SCLT1: variants seen among roughly 807,000 people sequenced by gnomAD.
SCLT1 encodes sodium channel-associated protein 1.
SCLT1 carries 78 observed loss-of-function variants against 112.8 expected under a neutral mutation model. The observed-to-expected ratio is 0.69, with a 90% CI of 0.58 to 0.83. The LOEUF (loss-of-function observed/expected upper bound fraction) is 0.83. Ranked by LOEUF, SCLT1 falls within the 40% of genes least tolerant of loss-of-function variation. The pLI is 0.00. For synonymous variants in SCLT1, 257 were observed against 254.7 expected, an observed-to-expected ratio of 1.01 and a Z score of -0.09; for missense variants, 747 against 770.4, an observed-to-expected ratio of 0.97 and a Z score of 0.36.
intron 10 of SCLT1, 122 bp from the exon 11 acceptor site, chr4:128,965,440 C>A: frequency 4.6e-6 from 3 of 655,374 alleles, no homozygotes; most frequent in Admixed American, 6.2e-5. Flanking sequence ...CTAACACTTA[C>A]GTTAAAAGAA....
chr4:128,886,535 T>C (rs879053190), intron 20 of SCLT1, among the ~76,000 whole-genome samples: 1 of 152,192 alleles, frequency 6.6e-6, no homozygotes, highest in South Asian at 2.1e-4. Flanking sequence ...CTTGGACTCA[T>C]TTAAAACAGA....
At chr4:129,003,097 T>G (rs765350379) in intron 6 of SCLT1, among the ~76,000 whole-genome samples, 94 of 152,242 alleles carry the variant, frequency 6.2e-4, no homozygotes, top group Admixed American at 1.2e-3. Context: ...TGGAATACTA[T>G]GCAGCCATAA....
intron 15 of SCLT1, among the ~76,000 whole-genome samples, 161 bp downstream of exon 15, chr4:128,948,335 C>CAAA (rs11312069): frequency 7.7e-4 from 37 of 47,960 alleles, no homozygotes; most frequent in African/African-American, 2.3e-3. Context: ...GACTCCATTG[C>CAAA]AAAAAAAAAA....
intron 9 of SCLT1, among the ~76,000 whole-genome samples, chr4:128,977,537 A>T (rs1341315570): frequency 6.6e-6 from 1 of 152,318 alleles, no homozygotes; most frequent in East Asian, 1.9e-4. Context: ...GTTACAAAGA[A>T]GATGATACAG....
intron 15 of SCLT1, among the ~76,000 whole-genome samples, chr4:128,947,565 T>G (rs1738283625): frequency 6.6e-6 from 1 of 152,216 alleles, no homozygotes; most frequent in Admixed American, 6.5e-5. Context: ...TTTACCACTT[T>G]TTAACATTGG....
chr4:128,927,479 G>T (rs1736388926), intron 18 of SCLT1, among the ~76,000 whole-genome samples: 2 of 151,890 alleles, frequency 1.3e-5, no homozygotes, highest in South Asian at 4.2e-4. Context: ...GGAGGTTGAG[G>T]CAGGAAAACT....
chr4:128,904,669 A>G (rs1158891951), intron 18 of SCLT1, among the ~76,000 whole-genome samples: 5 of 152,178 alleles, frequency 3.3e-5, no homozygotes, highest in Non-Finnish European at 7.4e-5. Flanking sequence ...ATTACGAGAG[A>G]TGTTAGTAAA....
chr4:129,028,372 G>A (rs868494794), intron 5 of SCLT1, among the ~76,000 whole-genome samples: 42 of 152,030 alleles, frequency 2.8e-4, no homozygotes, highest in African/African-American at 5.5e-4. Context: ...AAATAACACC[G>A]CATATCTACA....
rs1738129470 is a variant in SCLT1, at chr4:128,946,029, T to C, written c.1417A>G (p.Arg473Gly). 2 of 1,609,002 alleles carry C rather than the reference T, an allele frequency of 1.2e-6. No homozygotes were observed. Among genetic ancestry groups the C allele is most frequent in the South Asian group, 2.2e-5 (2 of 90,394 alleles). Reference sequence around the variant, plus strand: ...TACTCAGTTTCAAGTTGTTTTATTCTATTTTCTGCTCTCGTAAGTCTTAGC... The same window carrying C: ...TACTCAGTTTCAAGTTGTTTTATTCCATTTTCTGCTCTCGTAAGTCTTAGC... ...LQLRLTRAENRIKQLETDSSE... is the reference protein window; with the variant it reads ...LQLRLTRAENGIKQLETDSSE... The change falls in exon 16 of 21, where the codon AGA (arginine) becomes GGA (glycine). Residue 473 changes from arginine (R) to glycine (G), a missense_variant. Around this residue, in one of 2 missense-constraint regions of SCLT1, gnomAD observed 723 missense variants for 721.3 expected, o/e 1.00. Coordinates refer to ENST00000281142, the MANE Select transcript of SCLT1 (RefSeq NM_144643.4).
intron 2 of SCLT1, among the ~76,000 whole-genome samples, chr4:129,054,119 C>T (rs1345048643): frequency 6.6e-6 from 1 of 152,204 alleles, no homozygotes. Flanking sequence ...AAGAGATTCG[C>T]TGTTAGTCTA....
At chr4:128,883,791 T>C (rs542887284), downstream of SCLT1, among the ~76,000 whole-genome samples, 3 of 152,326 alleles carry the variant, frequency 2.0e-5, no homozygotes, top group South Asian at 2.1e-4. Context: ...AATAGGAACA[T>C]GTATCTATGA....
intron 18 of SCLT1, among the ~76,000 whole-genome samples, chr4:128,935,053 A>AT (rs1432286311): frequency 6.6e-6 from 1 of 151,982 alleles, no homozygotes; most frequent in Non-Finnish European, 1.5e-5. Context: ...TGCTTTTTCT[A>AT]TATCTATTGA....
chr4:128,994,613 C>T (rs146594032), intron 8 of SCLT1, among the ~76,000 whole-genome samples: 10 of 152,094 alleles, frequency 6.6e-5, no homozygotes, highest in Admixed American at 2.6e-4. Flanking sequence ...GCAGATGCAC[C>T]GTTTTGCAAT....
At chr4:129,037,773 T>C (rs1747311452) in intron 5 of SCLT1, 1 of 152,188 alleles carries the variant, frequency 6.6e-6, no homozygotes, top group Non-Finnish European at 1.5e-5. Context: ...AGATCACATA[T>C]GCACTTTGGC....
intron 13 of SCLT1, among the ~76,000 whole-genome samples, chr4:128,954,795 A>G (rs1451862499): frequency 1.3e-5 from 2 of 152,204 alleles, no homozygotes; most frequent in Admixed American, 6.5e-5. Context: ...CAAAAATCCA[A>G]TGAGGTTGTT....
chr4:128,873,883 C>T (rs1732383560), intron 5 of SCLT1: 2 of 152,644 alleles, frequency 1.3e-5, no homozygotes, highest in East Asian at 1.9e-4. Context: ...CTTATTGAAT[C>T]CCATCTTGCT....
intron 9 of SCLT1, among the ~76,000 whole-genome samples, chr4:128,984,825 G>A (rs1049574178): frequency 1.1e-4 from 17 of 150,968 alleles, no homozygotes; most frequent in African/African-American, 4.1e-4. Context: ...GTTTATTTTT[G>A]TTTTTTTGCT....
At chr4:129,083,436 T>G (rs1358707253) in intron 1 of SCLT1, among the ~76,000 whole-genome samples, 3 of 142,042 alleles carry the variant, frequency 2.1e-5, no homozygotes. Flanking sequence ...CACTATTAAG[T>G]TAGTATCAAG....
At position 128,884,496 on chromosome 4, in the gene SCLT1, A is replaced by C; in HGVS notation, c.2048T>G (p.Met683Arg). 6.2e-7 allele frequency: 1 copy of C among 1,603,238 alleles called. No individual in the cohort carries two copies. The highest frequency in any genetic ancestry group is 8.5e-7 in the Non-Finnish European group (1 of 1,171,078). The change falls in exon 21 of 21, where the codon ATG becomes AGG. Residue 683 changes from methionine (M) to arginine (R), a missense_variant. This residue lies in a region of SCLT1 where 24 missense variants were observed against 49.1 expected (regional missense o/e 0.49). Transcript: ENST00000281142. ...ATATTTTTAAATATTTTCCAGATTC[A>C]TCAGGGAGGCTGCTTTTCTTCTCTG... ...TVQRRKAASLMNLENI is the reference protein window; with the variant it reads ...TVQRRKAASLRNLENI
Sources: gnomAD v4.1 joint callset for allele counts (sites outside exome capture counted in the v4.1 genomes callset) on GRCh38, gnomAD v4.1.1 for gene constraint, gnomAD v4.1.1 regional missense constraint, MANE v1.5 for transcripts, NCBI Gene and HGNC (gene_info 2026-07-23, HGNC 2026-07-21) for gene names.